ANO5: variants seen among roughly 807,000 people sequenced by gnomAD.
ANO5 encodes anoctamin-5.
A neutral mutation model predicts 121.0 loss-of-function variants in ANO5; 109 were observed. That is an observed-to-expected ratio of 0.90 (90% CI 0.77 to 1.06). The LOEUF (loss-of-function observed/expected upper bound fraction) is 1.06. Ranked by LOEUF, ANO5 falls within the 50% of genes least tolerant of loss-of-function variation. The probability of loss-of-function intolerance (pLI) is 0.00; values close to 1 mark genes in which losing one functional copy is unlikely to be tolerated. For missense variants in ANO5, 1,064 were observed against 1,078.5 expected, an observed-to-expected ratio of 0.99 and a Z score of 0.19; for synonymous variants, 406 against 359.9, an observed-to-expected ratio of 1.13 and a Z score of -1.45.
chr11:22,264,813 G>C (rs1036843932), intron 17 of ANO5, among the ~76,000 whole-genome samples: 2 of 152,148 alleles, frequency 1.3e-5, no homozygotes, highest in African/African-American at 4.8e-5. Flanking sequence ...CTTAAATAAT[G>C]AGTACAACAA....
Position 22,270,456 on chromosome 11 carries a change from ACT to A in ANO5, c.2029+15_2029+16del. 1 of 1,613,892 alleles carries A rather than the reference ACT, an allele frequency of 6.2e-7. No individual in the cohort carries two copies. The highest frequency in any genetic ancestry group is 8.5e-7 in the Non-Finnish European group (1 of 1,179,880). On this transcript the variant is annotated intron_variant, in intron 18 of 21. Transcript: ENST00000324559. ...ACTTAGAAACAGGTAATTTTTAACCACTGTTTTGAAACATAGAGTTGGCATGA... is the reference window on the plus strand; with the variant it reads ...ACTTAGAAACAGGTAATTTTTAACCAGTTTTGAAACATAGAGTTGGCATGA...
intron 17 of ANO5, among the ~76,000 whole-genome samples, chr11:22,266,053 T>C (rs1376971791): frequency 1.3e-5 from 2 of 152,196 alleles, no homozygotes; most frequent in Non-Finnish European, 2.9e-5. Flanking sequence ...ACATCGCATA[T>C]GCAAAATAAT....
intron 3 of ANO5, among the ~76,000 whole-genome samples, chr11:22,213,390 G>A (rs1852343244): frequency 6.6e-6 from 1 of 151,600 alleles, no homozygotes; most frequent in Admixed American, 6.6e-5. Flanking sequence ...ACAGCTTTGA[G>A]GAGTACTGGT....
At chr11:22,251,925 G>C (rs1853830217) in intron 12 of ANO5, among the ~76,000 whole-genome samples, 1 of 151,232 alleles carries the variant, frequency 6.6e-6, no homozygotes, top group Non-Finnish European at 1.5e-5. Context: ...AGCTACTTGG[G>C]AGGCTGAGGC....
At chr11:22,195,602 TTA>T (rs1851785746) in intron 1 of ANO5, among the ~76,000 whole-genome samples, 1 of 152,030 alleles carries the variant, frequency 6.6e-6, no homozygotes, top group African/African-American at 2.4e-5. Flanking sequence ...CAGCTAATTA[TTA>T]TTTTTTTTAT....
At chr11:22,250,393 A>G (rs968168191) in intron 10 of ANO5, 22 bp downstream of exon 10, 1 of 1,612,894 alleles carries the variant, frequency 6.2e-7, no homozygotes, top group Non-Finnish European at 8.5e-7. Flanking sequence ...TGAGTTGCCC[A>G]GATAGAGAAA....
intron 7 of ANO5, among the ~76,000 whole-genome samples, chr11:22,232,537 A>G (rs1454416109): frequency 2.6e-5 from 4 of 151,900 alleles, no homozygotes; most frequent in Non-Finnish European, 4.4e-5. Flanking sequence ...TCAATTTTTT[A>G]TGTTATGAAT....
chr11:22,197,558 G>A (rs1851850608), intron 1 of ANO5, among the ~76,000 whole-genome samples: 1 of 152,144 alleles, frequency 6.6e-6, no homozygotes, highest in Non-Finnish European at 1.5e-5. Flanking sequence ...GCTATGTTAA[G>A]CATTGTGTCC....
chr11:22,256,533 T>C (rs1174630460), intron 13 of ANO5, among the ~76,000 whole-genome samples: 1 of 152,156 alleles, frequency 6.6e-6, no homozygotes, highest in Admixed American at 6.6e-5. Context: ...GACAGAATAA[T>C]GACATGATGT....
In ANO5 at chr11:22,278,902, G is replaced by A. The variant is rs142217013; in HGVS notation, c.2521-642G>A. Among the ~76,000 whole-genome samples the A allele has an allele frequency of 5.8e-3, 859 of 148,854 alleles. 9 individuals are homozygous for A. The highest frequency in any genetic ancestry group is 0.02 in the African/African-American group (790 of 40,500). ...TTTTTACTTTTTTTTTTTTCAATAT[G>A]TTGTCATACCTCCACTGTGTCTGGT... On this transcript the variant is annotated intron_variant, in intron 21 of 21. Transcript: ENST00000324559.
At chr11:22,231,663 G>A (rs1443255025) in intron 7 of ANO5, among the ~76,000 whole-genome samples, 1 of 151,764 alleles carries the variant, frequency 6.6e-6, no homozygotes, top group Non-Finnish European at 1.5e-5. Flanking sequence ...TTTGCAAGCT[G>A]GTATTTATAC....
chr11:22,223,091 C>A (rs115753595), intron 5 of ANO5, among the ~76,000 whole-genome samples: 2 of 152,114 alleles, frequency 1.3e-5, no homozygotes, highest in African/African-American at 4.8e-5. Flanking sequence ...AACTATTTAT[C>A]CTTCTACCTA....
intron 2 of ANO5, among the ~76,000 whole-genome samples, chr11:22,209,884 A>G (rs1181306252): frequency 2.0e-5 from 3 of 151,884 alleles, no homozygotes; most frequent in Non-Finnish European, 4.4e-5. Context: ...AAAACAACTA[A>G]CATTTCTCTA....
rs943091565 is a variant in ANO5, at chr11:22,193,247, G to T, written c.-246G>T. 1 of 1,139,070 alleles carries T rather than the reference G, an allele frequency of 8.8e-7. No individual in the cohort carries two copies. The highest frequency in any genetic ancestry group is 1.1e-6 in the Non-Finnish European group (1 of 919,514). 70.6% of individuals were successfully genotyped at this position (1,139,070 alleles called of 1,614,324 possible). A position where few individuals can be genotyped will look rare whatever the true frequency, so the allele number is the denominator to read the frequency against. On this transcript the variant is annotated 5_prime_UTR_variant, in exon 1 of 22. Transcript: ENST00000324559. The stretch of plus-strand genomic sequence containing the variant: ...CAAGCGCGCGAAGCAGGTTGTGGGG[G>T]ACCGGGTCGAGTGGAAGTACCCGCC...
intron 3 of ANO5, among the ~76,000 whole-genome samples, chr11:22,217,147 A>G (rs1852471103): frequency 6.6e-6 from 1 of 152,010 alleles, no homozygotes; most frequent in Non-Finnish European, 1.5e-5. Flanking sequence ...TTTTCCCTCC[A>G]ATAGTCACCA....
Position 22,279,761 on chromosome 11 carries a change from T to G in ANO5, c.2738T>G (p.Leu913Arg). 2 of 1,610,922 alleles carry G rather than the reference T, an allele frequency of 1.2e-6. No homozygotes were observed. Among genetic ancestry groups the G allele is most frequent in the South Asian group, 1.1e-5 (1 of 90,990 alleles). Residue 913 changes from leucine to arginine, a missense_variant, in exon 22 of 22, where the codon CTC becomes CGC. Coordinates refer to ENST00000324559, the MANE Select transcript of ANO5 (RefSeq NM_213599.3). ...ENKAQLAKST[L>R] ...AAAGCACAGCTGGCTAAATCAACACTCTAATCAGTATAGTGAGGAAGCAGC... is the reference window on the plus strand; with the variant it reads ...AAAGCACAGCTGGCTAAATCAACACGCTAATCAGTATAGTGAGGAAGCAGC...
intron 18 of ANO5, among the ~76,000 whole-genome samples, chr11:22,272,553 A>T (rs2133787300): frequency 6.6e-6 from 1 of 152,318 alleles, no homozygotes; most frequent in African/African-American, 2.4e-5. Flanking sequence ...CTAAAGGAAG[A>T]GCAAAGAAAG....
At chr11:22,268,797 C>T in intron 17 of ANO5, among the ~76,000 whole-genome samples, 1 of 152,106 alleles carries the variant, frequency 6.6e-6, no homozygotes. Context: ...GGGAGGATTG[C>T]TTGAGCTCAG....
intron 3 of ANO5, among the ~76,000 whole-genome samples, chr11:22,212,398 C>T (rs924976621): frequency 1.6e-4 from 24 of 152,032 alleles, no homozygotes; most frequent in African/African-American, 5.8e-4. Context: ...AATGCTATTA[C>T]AAATGTTGCT....
Sources: gnomAD v4.1 joint callset for allele counts (sites outside exome capture counted in the v4.1 genomes callset) on GRCh38, gnomAD v4.1.1 for gene constraint, MANE v1.5 for transcripts, NCBI Gene and HGNC (gene_info 2026-07-23, HGNC 2026-07-21) for gene names.